MSH3: variants seen among roughly 807,000 people sequenced by gnomAD.
The protein encoded by MSH3 is mutS homolog 3, also known as DNA mismatch repair protein Msh3.
MSH3 carries 106 observed loss-of-function variants against 123.3 expected under a neutral mutation model. The observed-to-expected ratio is 0.86, with a 90% confidence interval of 0.73 to 1.01. MSH3 has a LOEUF of 1.01. MSH3 is among the 50% of genes least tolerant of loss of function. The pLI, the probability that MSH3 is intolerant of heterozygous loss-of-function variation, is 0.00. For synonymous variants in MSH3, 515 were observed against 481.4 expected (o/e 1.07, Z -0.91); for missense variants, 1,459 against 1,347.6 (o/e 1.08, Z -1.29).
At chr5:80,659,812 C>T (rs900857389) in intron 2 of MSH3, among the ~76,000 whole-genome samples, 4 of 152,276 alleles carry the variant, frequency 2.6e-5, no homozygotes, top group South Asian at 2.1e-4. Context: ...CAGCCCCTGG[C>T]GCCTACCATT....
At chr5:80,682,494 C>G in intron 8 of MSH3, among the ~76,000 whole-genome samples, 1 of 151,858 alleles carries the variant, frequency 6.6e-6, no homozygotes, top group East Asian at 1.9e-4. Flanking sequence ...CCAAGTCAGG[C>G]GGATCACAAG....
chr5:80,692,863 A>G (rs1304259813), intron 8 of MSH3, among the ~76,000 whole-genome samples: 3 of 110,080 alleles, frequency 2.7e-5, no homozygotes, highest in Middle Eastern at 0.014. Flanking sequence ...ATGCACATGT[A>G]TATGTTTAGA....
intron 17 of MSH3, 144 bp downstream of exon 17, chr5:80,778,980 C>CTTTT: frequency 2.5e-6 from 1 of 393,994 alleles, no homozygotes; most frequent in Non-Finnish European, 4.5e-6. Context: ...GATTTTATTT[C>CTTTT]TTTTTTTTTT....
chr5:80,813,524 T>C (rs1225824295), intron 19 of MSH3, 60 bp from the exon 20 acceptor site: 1 of 1,526,202 alleles, frequency 6.6e-7, no homozygotes, highest in East Asian at 2.3e-5. Context: ...ATGAGATAAA[T>C]TGTGGATATT....
At chr5:80,744,664 G>T in intron 12 of MSH3, 49 bp downstream of exon 12, 3 of 1,354,292 alleles carry the variant, frequency 2.2e-6, no homozygotes, top group East Asian at 2.3e-5. Context: ...ATAAAATTTT[G>T]AAATTAAAGG....
chr5:80,654,880 T>TGCAGCGGCTGCAGCGGCCGCAGCGGCC lies in MSH3; in HGVS notation c.160_186dup (p.Ala54_Ala62dup). ...CAGCCGACCAGGTGGACCCTGGCGC[T>TGCAGCGGCTGCAGCGGCCGCAGCGGCC]GCAGCGGCTGCAGCGGCCGCAGCGG... On this transcript the variant is annotated inframe_insertion, in exon 1 of 24. Coordinates refer to ENST00000265081, the MANE Select transcript of MSH3 (RefSeq NM_002439.5). The TGCAGCGGCTGCAGCGGCCGCAGCGGCC allele has an allele frequency of 6.5e-7, 1 of 1,538,676 alleles. No individual in the cohort carries two copies. Among genetic ancestry groups the TGCAGCGGCTGCAGCGGCCGCAGCGGCC allele is most frequent in the Non-Finnish European group, 8.8e-7 (1 of 1,135,058 alleles).
At chr5:80,658,094 GT>G (rs1223110836) in intron 2 of MSH3, among the ~76,000 whole-genome samples, 5 of 134,292 alleles carry the variant, frequency 3.7e-5, no homozygotes, top group African/African-American at 1.4e-4. Flanking sequence ...GAGTGCACTT[GT>G]GCAATCTCAG....
intron 11 of MSH3, among the ~76,000 whole-genome samples, chr5:80,742,166 C>CG (rs1372241323): frequency 6.6e-6 from 1 of 152,078 alleles, no homozygotes; most frequent in Non-Finnish European, 1.5e-5. Context: ...CCTGCCACCA[C>CG]GCCTGGCTAA....
In MSH3 at chr5:80,654,908, G is replaced by C. The variant is rs1574197; in HGVS notation, c.181G>C (p.Ala61Pro). Reference protein sequence around the residue: ...AAAAAAAAAAAAPPAPPAPAF... With the variant: ...AAAAAAAAAAPAPPAPPAPAF... Reference sequence around the variant, plus strand: ...AGCGGCTGCAGCGGCCGCAGCGGCCGCAGCGCCCCCAGCGCCCCCAGCTCC... The same window carrying C: ...AGCGGCTGCAGCGGCCGCAGCGGCCCCAGCGCCCCCAGCGCCCCCAGCTCC... The change falls in exon 1 of 24, where the codon GCA becomes CCA. Residue 61 changes from alanine (A) to proline (P), a missense_variant. Physicochemically the swap from Ala to Pro is conservative, Grantham distance 27. Transcript: ENST00000265081. 813 of 1,539,162 alleles carry C rather than the reference G, an allele frequency of 5.3e-4. 7 individuals carry two copies. The highest frequency in any genetic ancestry group is 3.8e-3 in the African/African-American group (255 of 66,700).
intron 13 of MSH3, among the ~76,000 whole-genome samples, chr5:80,765,290 TG>T (rs1466684900): frequency 1.5e-4 from 23 of 152,150 alleles, no homozygotes; most frequent in Admixed American, 1.5e-3. Context: ...AAAATGTTTG[TG>T]TTTGTTTCTT....
intron 22 of MSH3, among the ~76,000 whole-genome samples, chr5:80,866,327 C>T (rs1392654984): frequency 6.6e-6 from 1 of 152,116 alleles, no homozygotes; most frequent in Non-Finnish European, 1.5e-5. Context: ...TCTGTAGAGA[C>T]AGGCTCTCAC....
intron 9 of MSH3, among the ~76,000 whole-genome samples, chr5:80,727,210 C>G (rs544979790): frequency 3.3e-5 from 5 of 152,214 alleles, no homozygotes; most frequent in Non-Finnish European, 5.9e-5. Flanking sequence ...TTACCACAGG[C>G]AGTGCTACTT....
At chr5:80,838,357 C>T (rs1215707034) in intron 20 of MSH3, among the ~76,000 whole-genome samples, 1 of 152,158 alleles carries the variant, frequency 6.6e-6, no homozygotes, top group Non-Finnish European at 1.5e-5. Flanking sequence ...CCATGACTGA[C>T]TATCCTTTTG....
At chr5:80,721,239 G>A (rs1240633535) in intron 8 of MSH3, among the ~76,000 whole-genome samples, 1 of 152,086 alleles carries the variant, frequency 6.6e-6, no homozygotes, top group East Asian at 1.9e-4. Flanking sequence ...CTGTTCTGTA[G>A]TACTTTTGTC....
rs748375304 is a variant in MSH3, at chr5:80,692,477, T to G, written c.1340+13384T>G. ...ATAGATAAACATGTATATGTTTAGATAGATAAACATGTATATGTTTAGATA... is the reference window on the plus strand; with the variant it reads ...ATAGATAAACATGTATATGTTTAGAGAGATAAACATGTATATGTTTAGATA... On this transcript the variant is annotated intron_variant, in intron 8 of 23. Transcript: ENST00000265081. Among the ~76,000 whole-genome samples, 223 of 49,912 alleles carry G rather than the reference T, an allele frequency of 4.5e-3. 13 individuals are homozygous for G. The highest frequency in any genetic ancestry group is 6.0e-3 in the Non-Finnish European group (146 of 24,308). 32.7% of individuals were successfully genotyped at this position (49,912 alleles called of 152,430 possible).
intron 12 of MSH3, among the ~76,000 whole-genome samples, chr5:80,757,826 T>C (rs1393043089): frequency 1.3e-5 from 2 of 152,204 alleles, no homozygotes; most frequent in Non-Finnish European, 2.9e-5. Flanking sequence ...TTACAATTAT[T>C]TGGAAGGTCT....
rs1749674565 is a variant in MSH3, at chr5:80,670,235, AAGCAGC to A, written c.723_728del (p.Gln241_Gln242del). 2 of 1,614,162 alleles carry A rather than the reference AAGCAGC, an allele frequency of 1.2e-6. No individual in the cohort carries two copies. The highest frequency in any genetic ancestry group is 1.7e-6 in the Non-Finnish European group (2 of 1,180,010). On this transcript the variant is annotated inframe_deletion, in exon 4 of 24. Transcript: ENST00000265081. The stretch of plus-strand genomic sequence containing the variant: ...GCTAGAATTACAATACATAGAAATG[AAGCAGC>A]AGCACAAAGATGCAGTTTTGTGTGT...
At chr5:80,767,326 T>C (rs2112883863) in intron 13 of MSH3, among the ~76,000 whole-genome samples, 1 of 152,340 alleles carries the variant, frequency 6.6e-6, no homozygotes, top group East Asian at 1.9e-4. Flanking sequence ...GTTAGTCCTC[T>C]GCTAAGAGTA....
At chr5:80,741,290 A>G (rs1266470266) in intron 10 of MSH3, among the ~76,000 whole-genome samples, 174 bp from the exon 11 acceptor site, 1 of 152,082 alleles carries the variant, frequency 6.6e-6, no homozygotes, top group Non-Finnish European at 1.5e-5. Context: ...TAACAGCACC[A>G]GCGTTAATGG....
Sources: allele counts gnomAD v4.1 joint callset (sites outside exome capture counted in the v4.1 genomes callset), GRCh38; gene constraint gnomAD v4.1.1; transcripts MANE v1.5; gene names NCBI Gene and HGNC (gene_info 2026-07-23, HGNC 2026-07-21).